The following IL1RAPL1 variants were observed in gnomAD, a reference collection of about 807,000 sequenced individuals.
IL1RAPL1 encodes interleukin-1 receptor accessory protein-like 1.
A neutral mutation model predicts 48.4 loss-of-function variants in IL1RAPL1; 3 were observed. That is an observed-to-expected ratio of 0.06 (90% confidence interval 0.03 to 0.16). The LOEUF is 0.16. IL1RAPL1 is among the 10% of genes least tolerant of loss of function. The pLI, the probability that IL1RAPL1 is intolerant of heterozygous loss-of-function variation, is 1.00. For synonymous variants in IL1RAPL1, 185 were observed against 187.7 expected, an observed-to-expected ratio of 0.99 and a Z score of 0.12; for missense variants, 349 against 530.6, an observed-to-expected ratio of 0.66 and a Z score of 3.36.
rs142389388 is a variant in IL1RAPL1 at position 29,357,055 on chromosome X, C to A, written c.363-39203C>A. Among the ~76,000 whole-genome samples, 968 of 111,936 alleles carry A rather than the reference C, an allele frequency of 8.6e-3. 14 individuals carry two copies. Among genetic ancestry groups the A allele is most frequent in the Non-Finnish European group, 0.014 (735 of 53,185 alleles). On this transcript the variant is annotated intron_variant, in intron 3 of 10. Coordinates refer to ENST00000378993, the MANE Select transcript of IL1RAPL1 (RefSeq NM_014271.4). ...CAAACCAATCTCAAGAAAACCTGTA[C>A]TACATGATAATTTGCTAGTTATGGT...
chrX:29,593,234 C>T (rs888517808), intron 5 of IL1RAPL1, among the ~76,000 whole-genome samples: 9 of 111,284 alleles, frequency 8.1e-5, no homozygotes, highest in African/African-American at 2.3e-4. Context: ...TCCAGCCCCT[C>T]GTTAGTCAGG....
intron 5 of IL1RAPL1, among the ~76,000 whole-genome samples, chrX:29,531,328 A>G (rs1921031822): frequency 8.9e-6 from 1 of 111,994 alleles, no homozygotes; most frequent in Non-Finnish European, 1.9e-5. Flanking sequence ...AGCATCATCA[A>G]AAACACAAGT....
rs34345826 is a variant in IL1RAPL1, at chrX:29,954,235, CAAAAAA to C, written c.1202-264_1202-259del. On this transcript the variant is annotated intron_variant, in intron 9 of 10. Coordinates refer to ENST00000378993, the MANE Select transcript of IL1RAPL1 (RefSeq NM_014271.4). ...TGGACAACTGAGCAAGACTGTGTCC[CAAAAAA>C]AAAAAAAAAAAAAAAAAAAAAAGGA... 7.7e-3 allele frequency among the ~76,000 whole-genome samples: 234 copies of C among 30,408 alleles called. 5 individuals are homozygous for C. Among genetic ancestry groups the C allele is most frequent in the East Asian group, 0.046 (43 of 938 alleles). 26.4% of individuals were successfully genotyped at this position (30,408 alleles called of 115,157 possible). A position where few individuals can be genotyped will look rare whatever the true frequency, so the allele number is the denominator to read the frequency against.
At chrX:29,319,319 G>A (rs752597030) in intron 3 of IL1RAPL1, among the ~76,000 whole-genome samples, 9 of 101,414 alleles carry the variant, frequency 8.9e-5, no homozygotes, top group Non-Finnish European at 1.4e-4. Flanking sequence ...AGCCTCCCGA[G>A]TAGCTAGAAC....
chrX:29,421,260 AAAC>A (rs1442495137), intron 5 of IL1RAPL1, among the ~76,000 whole-genome samples: 1 of 111,132 alleles, frequency 9.0e-6, no homozygotes, highest in Non-Finnish European at 1.9e-5. Flanking sequence ...GAAAAAGGAA[AAAC>A]AACACAGCAA....
chrX:28,677,555 G>A (rs1935012199), intron 1 of IL1RAPL1, among the ~76,000 whole-genome samples: 1 of 111,276 alleles, frequency 9.0e-6, no homozygotes, highest in Admixed American at 9.5e-5. Context: ...ATGAGACTGT[G>A]TGTGTCATGC....
intron 2 of IL1RAPL1, among the ~76,000 whole-genome samples, chrX:29,199,618 C>T (rs1452270807): frequency 9.0e-6 from 1 of 110,719 alleles, no homozygotes; most frequent in African/African-American, 3.3e-5. Context: ...CCCTCGCATG[C>T]GCAGTTCACA....
intron 5 of IL1RAPL1, among the ~76,000 whole-genome samples, chrX:29,648,321 C>A (rs961026899): frequency 1.8e-5 from 2 of 111,932 alleles, no homozygotes; most frequent in Non-Finnish European, 3.8e-5. Flanking sequence ...TTCCATCCAA[C>A]GGATGCAGAA....
rs748387575 is a variant in IL1RAPL1, at chrX:28,949,276, T to G, written c.82+159851T>G. Among the ~76,000 whole-genome samples the G allele has an allele frequency of 1.6e-4, 16 of 101,236 alleles. No individual in the cohort carries two copies. The South Asian group carries it at 5.8e-3, about 37-fold the overall frequency. The allele number at this position is 101,236 out of a possible 115,157, so 87.9% of individuals were successfully genotyped here. Reference sequence around the variant, plus strand: ...TTAAATTGAGAAAAGGTGTTTTTTGTTTTTTTTTTTTGTTTCTCAACATAA... The same window carrying G: ...TTAAATTGAGAAAAGGTGTTTTTTGGTTTTTTTTTTTGTTTCTCAACATAA... On this transcript the variant is annotated intron_variant, in intron 2 of 10. Coordinates refer to ENST00000378993, the MANE Select transcript of IL1RAPL1 (RefSeq NM_014271.4).
chrX:29,080,812 G>T (rs1927786053), intron 2 of IL1RAPL1, among the ~76,000 whole-genome samples: 1 of 102,142 alleles, frequency 9.8e-6, no homozygotes, highest in Non-Finnish European at 2.0e-5. Context: ...GCGTGATTTT[G>T]GCTCGCTGCA....
intron 3 of IL1RAPL1, among the ~76,000 whole-genome samples, chrX:29,312,984 T>A (rs1932749356): frequency 9.0e-6 from 1 of 111,536 alleles, no homozygotes; most frequent in African/African-American, 3.3e-5. Context: ...GAACTGTGAG[T>A]CCATTAAACC....
At chrX:28,667,732 T>A (rs775709097) in intron 1 of IL1RAPL1, among the ~76,000 whole-genome samples, 1 of 112,183 alleles carries the variant, frequency 8.9e-6, no homozygotes, top group East Asian at 2.8e-4. Context: ...GGCTTGAAGT[T>A]AGAGAACAGG....
At chrX:29,908,404 T>G (rs764977280) in intron 6 of IL1RAPL1, among the ~76,000 whole-genome samples, 2 of 108,641 alleles carry the variant, frequency 1.8e-5, no homozygotes, top group South Asian at 7.9e-4. Flanking sequence ...ATAAGCAAAC[T>G]TTTTTAATAA....
At chrX:28,898,042 T>G (rs553576799) in intron 2 of IL1RAPL1, among the ~76,000 whole-genome samples, 2 of 111,505 alleles carry the variant, frequency 1.8e-5, no homozygotes, top group East Asian at 5.7e-4. Flanking sequence ...ATGTCATTAG[T>G]TAAGGCAGGA....
At chrX:29,107,945 G>A (rs1928481018) in intron 2 of IL1RAPL1, among the ~76,000 whole-genome samples, 1 of 111,630 alleles carries the variant, frequency 9.0e-6, no homozygotes, top group Non-Finnish European at 1.9e-5. Flanking sequence ...TGGGGTAGGT[G>A]TTGCTGTGGT....
At chrX:29,659,717 C>T (rs762878344) in intron 5 of IL1RAPL1, among the ~76,000 whole-genome samples, 16 of 111,488 alleles carry the variant, frequency 1.4e-4, no homozygotes, top group South Asian at 3.8e-4. Flanking sequence ...CTCCGCCTTC[C>T]GGGTTCAAGC....
In IL1RAPL1 at chrX:29,380,442, G is replaced by A. The variant is rs111869013; in HGVS notation, c.363-15816G>A. ...GGGTTTCTCCATGTTGGTCAGGCTG[G>A]TCTCGAACTCCTGACCTCAGGTGAT... On this transcript the variant is annotated intron_variant, in intron 3 of 10. Transcript: ENST00000378993. Among the ~76,000 whole-genome samples the A allele has an allele frequency of 5.1e-3, 572 of 111,556 alleles. 6 individuals carry two copies. Among genetic ancestry groups the A allele is most frequent in the African/African-American group, 0.018 (540 of 30,714 alleles).
rs992272014 is a variant in IL1RAPL1 at position 28,879,632 on chromosome X, A to T, written c.82+90207A>T. ...TTTAGTAATTCTGTGAATGCATGAT[A>T]TATGTCAAATATAGTACAGTCTTTC... is the stretch of plus-strand genomic sequence containing the variant. On this transcript the variant is annotated intron_variant, in intron 2 of 10. Transcript: ENST00000378993. Among the ~76,000 whole-genome samples, 3 of 111,996 alleles carry T rather than the reference A, an allele frequency of 2.7e-5. No individual in the cohort carries two copies. The East Asian group carries it at 8.4e-4, about 31-fold the overall frequency.
chrX:29,799,587 TAA>T (rs1196219269), intron 6 of IL1RAPL1, among the ~76,000 whole-genome samples: 2 of 112,324 alleles, frequency 1.8e-5, no homozygotes, highest in Non-Finnish European at 3.8e-5. Context: ...TGTGGATAGT[TAA>T]GTTTAAATTT....
Sources: allele counts gnomAD v4.1 joint callset (sites outside exome capture counted in the v4.1 genomes callset), GRCh38; gene constraint gnomAD v4.1.1; transcripts MANE v1.5; gene names NCBI Gene and HGNC (gene_info 2026-07-23, HGNC 2026-07-21).